The following RPN2 variants were observed in gnomAD, a reference collection of about 807,000 sequenced individuals.
RPN2 encodes the protein dolichyl-diphosphooligosaccharide--protein glycosyltransferase subunit 2.
RPN2 carries 29 observed loss-of-function variants against 71.4 expected under a neutral mutation model. The ratio of observed to expected loss-of-function variants is 0.41; its 90% CI spans 0.30 to 0.55. RPN2 has a LOEUF of 0.55. Ranked by LOEUF, RPN2 falls within the 20% of genes least tolerant of loss-of-function variation. The pLI, the probability that RPN2 is intolerant of heterozygous loss-of-function variation, is 0.35. For missense variants in RPN2, 726 were observed against 774.1 expected (o/e 0.94, Z 0.74); for synonymous variants, 308 against 305.0 (o/e 1.01, Z -0.10).
chr20:37,234,070 G>A lies in RPN2; in HGVS notation c.1728G>A (p.Thr576=). 3 of 1,614,186 alleles carry A rather than the reference G, an allele frequency of 1.9e-6. No homozygotes were observed. Among genetic ancestry groups the A allele is most frequent in the South Asian group, 2.2e-5 (2 of 91,078 alleles). ...CCAACTTCACTTTTGCTCCTAGCAC[G>A]ATTATATTTCACCTGGGACATGCTG... The part of the protein sequence containing the change: ...NVSNFTFAPS[T]IIFHLGHAAM... The change falls in exon 15 of 17, where the codon ACG becomes ACA. Residue 576 remains threonine (T), a synonymous_variant. Coordinates refer to ENST00000237530, the MANE Select transcript of RPN2 (RefSeq NM_002951.5).
intron 1 of RPN2, 48 bp downstream of exon 1, chr20:37,179,417 G>A (rs2066779688): frequency 1.4e-5 from 1 of 71,864 alleles, no homozygotes; most frequent in Admixed American, 6.6e-4. Context: ...GCCCGCGGGA[G>A]GTTACTAGTC....
intron 2 of RPN2, among the ~76,000 whole-genome samples, chr20:37,195,186 C>T (rs529517934): frequency 5.3e-5 from 8 of 152,234 alleles, no homozygotes; most frequent in African/African-American, 1.9e-4. Context: ...TCCAGTCCCC[C>T]GACAGTAGCT....
At position 37,223,881 on chromosome 20, in the gene RPN2, A is replaced by G. The variant is rs1245812789; in HGVS notation, c.1096A>G (p.Arg366Gly). 4 of 1,613,966 alleles carry G rather than the reference A, an allele frequency of 2.5e-6. No individual in the cohort carries two copies. Among genetic ancestry groups the G allele is most frequent in the South Asian group, 2.2e-5 (2 of 91,080 alleles). Residue 366 changes from arginine (R) to glycine (G), a missense_variant, in exon 10 of 17, where the codon AGA becomes GGA. Transcript: ENST00000237530. The stretch of plus-strand genomic sequence containing the variant: ...TGTCTTCTCTATTTTCCTCTAGCTC[A>G]GAGTCAAGATCTCCACTGAAGTTGG... ...NRYIANTVEL[R>G]VKISTEVGIT...
intron 2 of RPN2, among the ~76,000 whole-genome samples, chr20:37,190,968 T>C (rs2067125302): frequency 6.6e-6 from 1 of 152,244 alleles, no homozygotes; most frequent in Admixed American, 6.5e-5. Flanking sequence ...GTGCATGTCC[T>C]GCTCAGCTGT....
At chr20:37,200,467 T>C in intron 4 of RPN2, 2 of 533,314 alleles carry the variant, frequency 3.8e-6, no homozygotes, top group Non-Finnish European at 7.7e-6. Context: ...AGCACCGTTC[T>C]GGAATCCCGT....
At position 37,228,667 on chromosome 20, in the gene RPN2, G is replaced by A; in HGVS notation, c.1417G>A (p.Asp473Asn). ...LDTSERKIEFDSASGTYTLYL... is the reference protein window; with the variant it reads ...LDTSERKIEFNSASGTYTLYL... ...TACCTCTGAAAGAAAGATTGAATTTGACTCTGCCTCTGGCACCTACACTCT... is the reference window on the plus strand; with the variant it reads ...TACCTCTGAAAGAAAGATTGAATTTAACTCTGCCTCTGGCACCTACACTCT... Residue 473 changes from aspartate to asparagine, a missense_variant, in exon 12 of 17, where the codon GAC becomes AAC. By Grantham distance (23) the Asp-to-Asn change is conservative. Coordinates refer to ENST00000237530, the MANE Select transcript of RPN2 (RefSeq NM_002951.5). 1 of 1,614,188 alleles carries A rather than the reference G, an allele frequency of 6.2e-7. No individual in the cohort carries two copies. The highest frequency in any genetic ancestry group is 8.5e-7 in the Non-Finnish European group (1 of 1,180,022).
At position 37,187,640 on chromosome 20, in the gene RPN2, GTTTTA is replaced by G. The variant is rs1001035152; in HGVS notation, c.207+3277_207+3281del. Among the ~76,000 whole-genome samples the G allele has an allele frequency of 6.8e-4, 102 of 150,116 alleles. 1 individual carries two copies. Among genetic ancestry groups the G allele is most frequent in the African/African-American group, 2.1e-3 (85 of 40,734 alleles). On this transcript the variant is annotated intron_variant, in intron 2 of 16. Transcript: ENST00000237530. ...CTGTCTTATTTTTATATTTTATTTT[GTTTTA>G]TTTTATTTTTTTGAGACAGGGTCTC... is the stretch of plus-strand genomic sequence containing the variant.
chr20:37,233,357 T>G (rs181854705), intron 14 of RPN2, among the ~76,000 whole-genome samples: 72 of 152,276 alleles, frequency 4.7e-4, no homozygotes, highest in African/African-American at 1.5e-3. Flanking sequence ...TAGCCAATTG[T>G]GTTTTTCTCT....
intron 2 of RPN2, among the ~76,000 whole-genome samples, chr20:37,185,630 T>C (rs1162874053): frequency 6.6e-6 from 1 of 151,988 alleles, no homozygotes; most frequent in Non-Finnish European, 1.5e-5. Context: ...TATTTTATTT[T>C]ATTTAAGAGA....
In RPN2 at chr20:37,194,964, C is replaced by T. The variant is rs536808099; in HGVS notation, c.208-3433C>T. ...GATTTGCGGTCTTTTCTATAGGCCTCCGTATTTGATTAGGTTCAGGGAGTT... is the reference window on the plus strand; with the variant it reads ...GATTTGCGGTCTTTTCTATAGGCCTTCGTATTTGATTAGGTTCAGGGAGTT... On this transcript the variant is annotated intron_variant, in intron 2 of 16. Coordinates refer to ENST00000237530, the MANE Select transcript of RPN2 (RefSeq NM_002951.5). 2.0e-5 allele frequency among the ~76,000 whole-genome samples: 3 copies of T among 152,104 alleles called. 1 individual carries two copies. Among genetic ancestry groups the T allele is most frequent in the South Asian group, 2.1e-4 (1 of 4,816 alleles).
intron 9 of RPN2, among the ~76,000 whole-genome samples, chr20:37,219,408 A>G (rs1219778945): frequency 6.6e-6 from 1 of 151,696 alleles, no homozygotes; most frequent in Admixed American, 6.6e-5. Context: ...TACACCTCTT[A>G]TTTCCTTTTA....
At chr20:37,186,009 G>C (rs909152232) in intron 2 of RPN2, among the ~76,000 whole-genome samples, 1 of 152,208 alleles carries the variant, frequency 6.6e-6, no homozygotes, top group Non-Finnish European at 1.5e-5. Context: ...CTTGCTAGCT[G>C]TCTGCTAGGA....
chr20:37,207,107 A>G (rs572782569), intron 6 of RPN2, among the ~76,000 whole-genome samples, 166 bp from the exon 7 acceptor site: 7 of 152,332 alleles, frequency 4.6e-5, no homozygotes, highest in Middle Eastern at 6.8e-3. Context: ...TTCTAAGTTT[A>G]AATGCAGAAT....
At chr20:37,180,877 A>G (rs1314876617) in intron 1 of RPN2, among the ~76,000 whole-genome samples, 1 of 152,160 alleles carries the variant, frequency 6.6e-6, no homozygotes, top group Non-Finnish European at 1.5e-5. Flanking sequence ...AGTATTGTTT[A>G]TTCTCAACAC....
At chr20:37,205,287 C>T (rs1435452563) in intron 6 of RPN2, among the ~76,000 whole-genome samples, 10 of 152,036 alleles carry the variant, frequency 6.6e-5, no homozygotes, top group Non-Finnish European at 1.5e-4. Context: ...TGCTTCTCCT[C>T]CCTTCCCCCT....
chr20:37,182,373 C>T (rs956832354), intron 1 of RPN2, among the ~76,000 whole-genome samples: 23 of 151,988 alleles, frequency 1.5e-4, no homozygotes, highest in Non-Finnish European at 7.4e-5. Context: ...GGATTACAGG[C>T]GTGAGCTACT....
chr20:37,241,155 A>G (rs2068539231), intron 16 of RPN2, 148 bp from the exon 17 acceptor site: 7 of 920,966 alleles, frequency 7.6e-6, no homozygotes, highest in Non-Finnish European at 1.2e-5. Context: ...GGCATACATA[A>G]ATAGACTTGG....
chr20:37,179,633 C>T, intron 1 of RPN2: 1 of 779,394 alleles, frequency 1.3e-6, no homozygotes, highest in Non-Finnish European at 1.8e-6. Context: ...GTGGGGACCG[C>T]GGACGCGCTT....
rs2087618045 is a variant in RPN2, at chr20:37,191,181, A to G, written c.207+6808A>G. 3.9e-5 allele frequency among the ~76,000 whole-genome samples: 6 copies of G among 152,290 alleles called. No individual in the cohort carries two copies. In the South Asian group the frequency reaches 1.2e-3, roughly 32 times the overall value. ...AATGAGAGTTGATTTTAGGTGTTAT[A>G]AAGTGTGAGCATCGGCTGGGTGCGG... On this transcript the variant is annotated intron_variant, in intron 2 of 16. Coordinates refer to ENST00000237530, the MANE Select transcript of RPN2 (RefSeq NM_002951.5).
Sources: allele counts gnomAD v4.1 joint callset (sites outside exome capture counted in the v4.1 genomes callset), GRCh38; gene constraint gnomAD v4.1.1; transcripts MANE v1.5; gene names NCBI Gene and HGNC (gene_info 2026-07-23, HGNC 2026-07-21).